The following NUP160 variants were observed in gnomAD, a reference collection of about 807,000 sequenced individuals.
NUP160 encodes nuclear pore complex protein Nup160.
NUP160 carries 94 observed loss-of-function variants against 196.9 expected under a neutral mutation model. The observed-to-expected ratio is 0.48, with a 90% CI of 0.40 to 0.57. The LOEUF (loss-of-function observed/expected upper bound fraction) is 0.57. Among genes scored for constraint, NUP160 ranks in the 20% least tolerant of loss-of-function variants. The probability of loss-of-function intolerance (pLI) is 0.00; values close to 1 mark genes in which losing one functional copy is unlikely to be tolerated. For synonymous variants in NUP160, 605 were observed against 619.7 expected (o/e 0.98, Z 0.35); for missense variants, 1,638 against 1,748.3 (o/e 0.94, Z 1.13).
exon 14 of NUP160, chr11:47,813,388 A>G (rs866891085): frequency 6.2e-7 from 1 of 1,612,114 alleles, no homozygotes; most frequent in Non-Finnish European, 8.5e-7. Context: ...TCCACTAAGG[A>G]TGAGGGAATA....
At chr11:47,844,829 G>A (rs1055234575) in intron 2 of NUP160, among the ~76,000 whole-genome samples, 17 of 152,198 alleles carry the variant, frequency 1.1e-4, no homozygotes, top group African/African-American at 3.9e-4. Flanking sequence ...CACAGGATGA[G>A]ATAGGAGGTC....
rs192959473 is a variant in NUP160 at position 47,813,032 on chromosome 11, C to T, written c.1802G>A (p.Arg601Gln). 12 of 1,607,218 alleles carry T rather than the reference C, an allele frequency of 7.5e-6. No individual in the cohort carries two copies. Among genetic ancestry groups the T allele is most frequent in the African/African-American group, 4.0e-5 (3 of 74,870 alleles). The change falls in exon 15 of 36, where the codon CGG becomes CAG. Residue 601 changes from arginine to glutamine, a missense_variant. By Grantham distance (43) the Arg-to-Gln change is conservative (BLOSUM62 1). Coordinates refer to ENST00000378460, the Ensembl canonical transcript of NUP160. Reference sequence around the variant, plus strand: ...GCATTTTATAAGACATATGACATCCCGAGCGATGTCCACATCTACAAATAA... The same window carrying T: ...GCATTTTATAAGACATATGACATCCTGAGCGATGTCCACATCTACAAATAA...
intron 34 of NUP160, among the ~76,000 whole-genome samples, chr11:47,781,491 T>C (rs1212813695): frequency 1.3e-5 from 2 of 152,078 alleles, no homozygotes; most frequent in Non-Finnish European, 2.9e-5. Context: ...TCTTAACCTC[T>C]GGGTTTAAAC....
At chr11:47,848,030 A>T in intron 1 of NUP160, 71 bp from the exon 2 acceptor site, 1 of 1,356,008 alleles carries the variant, frequency 7.4e-7, no homozygotes, top group Non-Finnish European at 1.1e-6. Flanking sequence ...GAGCTGACAA[A>T]GCAGAGAGTG....
intron 4 of NUP160, chr11:47,839,641 T>C (rs958314046): frequency 8.6e-6 from 5 of 579,610 alleles, no homozygotes; most frequent in Non-Finnish European, 1.5e-5. Flanking sequence ...TGTCTATTTG[T>C]TTTTCCGTGC....
chr11:47,837,407 G>T (rs910993612), intron 5 of NUP160, 138 bp downstream of exon 5: 5 of 678,000 alleles, frequency 7.4e-6, no homozygotes, highest in African/African-American at 1.8e-5. Flanking sequence ...TTCCTCAGAT[G>T]GAATTTAATG....
intron 11 of NUP160, among the ~76,000 whole-genome samples, chr11:47,817,421 C>T (rs1299566708): frequency 6.6e-6 from 1 of 151,294 alleles, no homozygotes; most frequent in African/African-American, 2.4e-5. Context: ...TGGCTCACTG[C>T]AACCTCTGCC....
Position 47,788,123 on chromosome 11 carries a change from A to C in NUP160, c.3746+59T>G. The C allele has an allele frequency of 2.8e-6, 4 of 1,440,188 alleles. No homozygotes were observed. The South Asian group carries it at 4.8e-5, about 17-fold the overall frequency. The allele number at this position is 1,440,188 out of a possible 1,614,324, so 89.2% of individuals were successfully genotyped here. ...GGCTTATGACGACTGTTTCACACTGAGCAAGAGGATAATATATTTGCATTA... is the reference window on the plus strand; with the variant it reads ...GGCTTATGACGACTGTTTCACACTGCGCAAGAGGATAATATATTTGCATTA... On this transcript the variant is annotated intron_variant, in intron 31 of 35. Transcript: ENST00000378460.
In NUP160 at chr11:47,798,560, C is replaced by T. The variant is rs79251969; in HGVS notation, c.2896-97G>A. On this transcript the variant is annotated intron_variant, in intron 23 of 35. Coordinates refer to ENST00000378460, the Ensembl canonical transcript of NUP160. The stretch of plus-strand genomic sequence containing the variant: ...AATTATTGAGAAAGGTTAAGTAGGC[C>T]GGCATGGTGGCTCACACCTCCAATC... 7,480 of 706,152 alleles carry T rather than the reference C, an allele frequency of 0.011. 418 individuals carry two copies. In the African/African-American group the frequency reaches 0.12, roughly 11 times the overall value. The allele number at this position is 706,152 out of a possible 1,614,324, so 43.7% of individuals were successfully genotyped here.
chr11:47,786,295 T>C (rs1026386620), intron 32 of NUP160, among the ~76,000 whole-genome samples, 158 bp downstream of exon 32: 3 of 152,150 alleles, frequency 2.0e-5, no homozygotes, highest in South Asian at 2.1e-4. Context: ...ATAAATGACA[T>C]GATGTCACCT....
chr11:47,805,447 CTT>C (rs34487443), intron 20 of NUP160, among the ~76,000 whole-genome samples: 4 of 133,250 alleles, frequency 3.0e-5, no homozygotes, highest in Non-Finnish European at 3.1e-5. Context: ...TGAATAATGT[CTT>C]TTTTTTTTTT....
At chr11:47,842,463 C>T (rs1852324870) in intron 2 of NUP160, among the ~76,000 whole-genome samples, 1 of 152,114 alleles carries the variant, frequency 6.6e-6, no homozygotes, top group Non-Finnish European at 1.5e-5. Context: ...AGGACAGTGA[C>T]CCCAGAGTTT....
intron 30 of NUP160, 61 bp from the exon 31 acceptor site, chr11:47,788,366 T>C: frequency 6.2e-7 from 1 of 1,605,120 alleles, no homozygotes. Flanking sequence ...AAACCAAAGA[T>C]TTTGTTTTGT....
At chr11:47,798,317 A>G (rs747645611) in intron 24 of NUP160, 51 bp downstream of exon 24, 14 of 1,533,848 alleles carry the variant, frequency 9.1e-6, no homozygotes, top group Non-Finnish European at 1.2e-5. Flanking sequence ...TGAACATACC[A>G]CACCCACAAC....
chr11:47,825,117 G>A (rs1851942687), intron 7 of NUP160, among the ~76,000 whole-genome samples: 1 of 152,050 alleles, frequency 6.6e-6, no homozygotes, highest in Non-Finnish European at 1.5e-5. Context: ...TTACAGGCAT[G>A]AGCCAACCGC....
At chr11:47,805,859 C>T (rs949133952) in intron 20 of NUP160, among the ~76,000 whole-genome samples, 6 of 151,650 alleles carry the variant, frequency 4.0e-5, no homozygotes. Flanking sequence ...CTTGCTCTGC[C>T]GCCTAGGCTG....
chr11:47,838,407 TC>T (rs1447922268), intron 4 of NUP160, among the ~76,000 whole-genome samples: 3 of 152,176 alleles, frequency 2.0e-5, no homozygotes, highest in Non-Finnish European at 4.4e-5. Context: ...TATATTTGAA[TC>T]CCACCTTGGG....
intron 2 of NUP160, among the ~76,000 whole-genome samples, chr11:47,846,214 A>C (rs1418836339): frequency 1.3e-5 from 2 of 150,924 alleles, no homozygotes; most frequent in East Asian, 3.9e-4. Flanking sequence ...CGGCCTCAAG[A>C]GATCCTCCCA....
At chr11:47,842,488 T>TTTCC (rs1336359640) in intron 2 of NUP160, among the ~76,000 whole-genome samples, 6 of 152,096 alleles carry the variant, frequency 3.9e-5, no homozygotes, top group African/African-American at 1.4e-4. Context: ...TACCATGCCC[T>TTTCC]TTGGGGTGGG....
Sources: allele counts gnomAD v4.1 joint callset (sites outside exome capture counted in the v4.1 genomes callset), GRCh38; gene constraint gnomAD v4.1.1; transcripts MANE v1.5; gene names NCBI Gene and HGNC (gene_info 2026-07-23, HGNC 2026-07-21).